ITIH2: variants seen among roughly 807,000 people sequenced by gnomAD.
ITIH2 encodes inter-alpha-trypsin inhibitor heavy chain 2.
In ITIH2, 103 loss-of-function variants were observed where a neutral mutation model predicts 104.4. The observed-to-expected ratio is 0.99, with a 90% CI of 0.84 to 1.16. The LOEUF is 1.16. Ranked by LOEUF, ITIH2 falls within the 50% of genes most tolerant of loss-of-function variation. The pLI is 0.00. For synonymous variants in ITIH2, 436 were observed against 435.4 expected (o/e 1.00, Z -0.02); for missense variants, 1,108 against 1,162.4 (o/e 0.95, Z 0.68).
At chr10:7,731,545 T>C (rs567740097) in intron 12 of ITIH2, among the ~76,000 whole-genome samples, 83 of 151,930 alleles carry the variant, frequency 5.5e-4, no homozygotes, top group African/African-American at 1.9e-3. Flanking sequence ...GCCAAGATGG[T>C]GAAAACCCGT....
Position 7,727,812 on chromosome 10 carries a change from TGGAGATCCAA to T in ITIH2, c.1264_1273del (p.Gly422GlnfsTer5). Reference sequence around the variant, plus strand: ...TCTCGCTGATCATTTTGGTTTCTGATGGAGATCCAACAGTGGGCAAGTGTCACTTCAACCT... The same window carrying T: ...TCTCGCTGATCATTTTGGTTTCTGATCAGTGGGCAAGTGTCACTTCAACCT... On this transcript the variant is annotated frameshift_variant, in exon 11 of 21. Coordinates refer to ENST00000358415, the MANE Select transcript of ITIH2 (RefSeq NM_002216.3). LOFTEE classifies it high-confidence loss of function. The T allele has an allele frequency of 6.2e-7, 1 of 1,614,176 alleles. No individual in the cohort carries two copies. Among genetic ancestry groups the T allele is most frequent in the Non-Finnish European group, 8.5e-7 (1 of 1,180,006 alleles).
chr10:7,746,346 G>T (rs1316149652), intron 19 of ITIH2, among the ~76,000 whole-genome samples: 2 of 151,856 alleles, frequency 1.3e-5, no homozygotes, highest in Non-Finnish European at 2.9e-5. Flanking sequence ...CTGCACTCCA[G>T]CCTGGGCAAC....
intron 5 of ITIH2, among the ~76,000 whole-genome samples, chr10:7,714,009 A>C (rs1178111093): frequency 6.6e-6 from 1 of 152,018 alleles, no homozygotes; most frequent in East Asian, 1.9e-4. Context: ...CTTCTTAAGC[A>C]TCAGTTACTT....
chr10:7,714,419 G>A (rs987367909), intron 5 of ITIH2, among the ~76,000 whole-genome samples: 7 of 151,902 alleles, frequency 4.6e-5, no homozygotes, highest in Admixed American at 2.0e-4. Flanking sequence ...TGATCCGCCC[G>A]CCTCGGCCTC....
At chr10:7,733,841 A>G (rs1835026548) in intron 14 of ITIH2, among the ~76,000 whole-genome samples, 2 of 152,144 alleles carry the variant, frequency 1.3e-5, no homozygotes, top group Non-Finnish European at 2.9e-5. Flanking sequence ...ATGCAGTTGT[A>G]TGACTGAACT....
At chr10:7,706,696 T>C (rs1052886898) in intron 2 of ITIH2, among the ~76,000 whole-genome samples, 2 of 152,094 alleles carry the variant, frequency 1.3e-5, no homozygotes, top group South Asian at 2.1e-4. Flanking sequence ...ACCGACCTAG[T>C]CTTGGGGTGT....
Position 7,749,175 on chromosome 10 carries a change from G to A in ITIH2, c.2694-12G>A. The A allele has an allele frequency of 1.2e-6, 2 of 1,613,850 alleles. No individual in the cohort carries two copies. Among genetic ancestry groups the A allele is most frequent in the Non-Finnish European group, 1.7e-6 (2 of 1,179,860 alleles). ...CAGTCTCCCCCTAACCACATGCCTTGCTTCCTTGCAGGGGCTTACAGAAAG... is the reference window on the plus strand; with the variant it reads ...CAGTCTCCCCCTAACCACATGCCTTACTTCCTTGCAGGGGCTTACAGAAAG... On this transcript the variant is annotated splice_polypyrimidine_tract_variant and intron_variant, in intron 20 of 20. Transcript: ENST00000358415.
chr10:7,721,537 G>T, intron 7 of ITIH2, 112 bp from the exon 8 acceptor site: 1 of 945,744 alleles, frequency 1.1e-6, no homozygotes, highest in Admixed American at 2.3e-5. Flanking sequence ...ATATCGCGGG[G>T]ATTCAGAACG....
chr10:7,747,078 G>C lies in ITIH2; in HGVS notation c.2693+374G>C, dbSNP rs188414191. Among the ~76,000 whole-genome samples, 180 of 152,354 alleles carry C rather than the reference G, an allele frequency of 1.2e-3. 3 individuals carry two copies. Among genetic ancestry groups the C allele is most frequent in the Middle Eastern group, 3.4e-3 (1 of 294 alleles). Reference sequence around the variant, plus strand: ...GAATGTAGATTTTTACATCAGGCTAGAGTTTTCCTTTTGCACAGGGATCTC... The same window carrying C: ...GAATGTAGATTTTTACATCAGGCTACAGTTTTCCTTTTGCACAGGGATCTC... On this transcript the variant is annotated intron_variant, in intron 20 of 20. Coordinates refer to ENST00000358415, the MANE Select transcript of ITIH2 (RefSeq NM_002216.3).
Position 7,724,570 on chromosome 10 carries a change from C to CAAAAAAAAAAAAAAAAAAAAAA in ITIH2, c.984+1020_984+1021insAAAAAAAAAAAAAAAAAAAAAA, listed in dbSNP as rs374923183. Reference sequence around the variant, plus strand: ...GGGCAACAAGAGCGAAACTCCATCTCAAAAAAAAAAAAAAAAAGAAGAGGA... The same window carrying CAAAAAAAAAAAAAAAAAAAAAA: ...GGGCAACAAGAGCGAAACTCCATCTCAAAAAAAAAAAAAAAAAAAAAAAAAAAAAAAAAAAAAAAGAAGAGGA... On this transcript the variant is annotated intron_variant, in intron 9 of 20. Coordinates refer to ENST00000358415, the MANE Select transcript of ITIH2 (RefSeq NM_002216.3). Among the ~76,000 whole-genome samples the CAAAAAAAAAAAAAAAAAAAAAA allele has an allele frequency of 2.1e-4, 11 of 51,856 alleles. 1 individual carries two copies. Among genetic ancestry groups the CAAAAAAAAAAAAAAAAAAAAAA allele is most frequent in the African/African-American group, 4.0e-4 (5 of 12,478 alleles). The allele number at this position is 51,856 out of a possible 152,430, so 34.0% of individuals were successfully genotyped here.
intron 15 of ITIH2, among the ~76,000 whole-genome samples, chr10:7,737,825 C>A (rs190203314): frequency 0.46 from 3,018 of 6,618 alleles, 1,165 homozygotes; most frequent in Non-Finnish European, 0.57. Context: ...ATATAATATT[C>A]TATATTATAT....
chr10:7,731,989 C>A lies in ITIH2; in HGVS notation c.1640C>A (p.Ala547Glu). Residue 547 changes from alanine to glutamate, a missense_variant, in exon 13 of 21, where the codon GCG becomes GAG. By Grantham distance (107) the Ala-to-Glu change is moderately radical. Transcript: ENST00000358415. Reference sequence around the variant, plus strand: ...GATCAAATAGAGAGCGTTATCACGGCGACTTCGGTACTTCCACTTATCCAT... The same window carrying A: ...GATCAAATAGAGAGCGTTATCACGGAGACTTCGGTACTTCCACTTATCCAT... Reference protein sequence around the residue: ...KLDQIESVITATSANTQLVLE... With the variant: ...KLDQIESVITETSANTQLVLE... 1 of 1,611,674 alleles carries A rather than the reference C, an allele frequency of 6.2e-7. No homozygotes were observed. The highest frequency in any genetic ancestry group is 8.5e-7 in the Non-Finnish European group (1 of 1,178,180).
rs761545886 is a variant in ITIH2 at position 7,744,949 on chromosome 10, C to T, written c.2567C>T (p.Ala856Val). 1.2e-6 allele frequency: 2 copies of T among 1,613,696 alleles called. No homozygotes were observed. The highest frequency in any genetic ancestry group is 1.7e-6 in the Non-Finnish European group (2 of 1,179,664). ...IPPTNKFSPKAHGLIGQFMQE... is the reference protein window; with the variant it reads ...IPPTNKFSPKVHGLIGQFMQE... ...CCTACAAACAAGTTCTCACCTAAAG[C>T]CCACGGACTAATAGGTAAAGTGTCT... The change falls in exon 19 of 21, where the codon GCC becomes GTC. Residue 856 changes from alanine (A) to valine (V), a missense_variant. Ala to Val is a moderately conservative substitution (Grantham distance 64). Coordinates refer to ENST00000358415, the MANE Select transcript of ITIH2 (RefSeq NM_002216.3).
At chr10:7,728,897 G>A (rs1418811186) in intron 11 of ITIH2, among the ~76,000 whole-genome samples, 3 of 152,140 alleles carry the variant, frequency 2.0e-5, no homozygotes, top group Non-Finnish European at 4.4e-5. Context: ...TATTAATAAC[G>A]AGACTAGAAT....
intron 19 of ITIH2, among the ~76,000 whole-genome samples, chr10:7,746,059 T>A (rs1175008469): frequency 8.2e-5 from 6 of 72,810 alleles, no homozygotes; most frequent in Non-Finnish European, 1.2e-4. Flanking sequence ...CGGCCCCAAA[T>A]CTTAAATTTA....
At chr10:7,713,435 T>G in intron 5 of ITIH2, 150 bp downstream of exon 5, 1 of 612,998 alleles carries the variant, frequency 1.6e-6, no homozygotes, top group Non-Finnish European at 2.9e-6. Context: ...AATTAGGCAC[T>G]GCAGTTTCTA....
intron 15 of ITIH2, among the ~76,000 whole-genome samples, chr10:7,738,360 G>A (rs557206266): frequency 4.1e-5 from 6 of 145,158 alleles, no homozygotes; most frequent in East Asian, 3.9e-4. Flanking sequence ...CTGGAGTCAC[G>A]GGGCCCTTCC....
intron 3 of ITIH2, among the ~76,000 whole-genome samples, chr10:7,707,958 T>G (rs1160791870): frequency 6.6e-6 from 1 of 152,216 alleles, no homozygotes; most frequent in East Asian, 1.9e-4. Flanking sequence ...CCCAGTTCCC[T>G]GAGATGTTCA....
rs1223053297 is a variant in ITIH2, at chr10:7,703,372, G to C, written c.-63G>C. The C allele has an allele frequency of 9.1e-7, 1 of 1,102,846 alleles. No homozygotes were observed. The highest frequency in any genetic ancestry group is 1.4e-6 in the Non-Finnish European group (1 of 715,136). The allele number at this position is 1,102,846 out of a possible 1,614,324, so 68.3% of individuals were successfully genotyped here. A position where few individuals can be genotyped will look rare whatever the true frequency, so the allele number is the denominator to read the frequency against. Reference sequence around the variant, plus strand: ...CTGTTCCTTTGAACTTGGTTCAGTAGGAAGAAGTGATATCCTCCCCAGACC... The same window carrying C: ...CTGTTCCTTTGAACTTGGTTCAGTACGAAGAAGTGATATCCTCCCCAGACC... On this transcript the variant is annotated 5_prime_UTR_variant, in exon 1 of 21. Transcript: ENST00000358415.
Sources: gnomAD v4.1 joint callset for allele counts (sites outside exome capture counted in the v4.1 genomes callset) on GRCh38, gnomAD v4.1.1 for gene constraint, MANE v1.5 for transcripts, NCBI Gene and HGNC (gene_info 2026-07-23, HGNC 2026-07-21) for gene names.